Variants in CACUL1 observed in about 807,000 individuals in gnomAD.
The protein encoded by CACUL1 is CDK2 associated cullin domain 1.
In CACUL1, 13 loss-of-function variants were observed where a neutral mutation model predicts 45.2. That is an observed-to-expected ratio of 0.29 (90% CI 0.19 to 0.46). CACUL1 has a LOEUF of 0.46. CACUL1 is among the 20% of genes least tolerant of loss of function. The pLI, the probability that CACUL1 is intolerant of heterozygous loss-of-function variation, is 1.00. For synonymous variants in CACUL1, 197 were observed against 174.2 expected, an observed-to-expected ratio of 1.13 and a Z score of -1.03; for missense variants, 421 against 471.4, an observed-to-expected ratio of 0.89 and a Z score of 0.99.
chr10:118,702,862 G>A (rs558625195), intron 4 of CACUL1, among the ~76,000 whole-genome samples: 9 of 152,256 alleles, frequency 5.9e-5, no homozygotes, highest in African/African-American at 4.8e-5. Flanking sequence ...GATTACAGGC[G>A]TGAGCCACCA....
In CACUL1 at chr10:118,683,926, A is replaced by G. The variant is rs552948751; in HGVS notation, c.*2202T>C. 3 of 152,460 alleles carry G rather than the reference A, an allele frequency of 2.0e-5. No individual in the cohort carries two copies. The South Asian group carries it at 6.2e-4, about 32-fold the overall frequency. The allele number at this position is 152,460 out of a possible 1,614,324, so 9.4% of individuals were successfully genotyped here. ...GCCAGGACATGTAGACTGGGAGACTATGTACAACCTTTCTATAGTGACTTC... is the reference window on the plus strand; with the variant it reads ...GCCAGGACATGTAGACTGGGAGACTGTGTACAACCTTTCTATAGTGACTTC... On this transcript the variant is annotated 3_prime_UTR_variant, in exon 9 of 9. Coordinates refer to ENST00000369151, the MANE Select transcript of CACUL1 (RefSeq NM_153810.5).
In CACUL1 at chr10:118,682,835, C is replaced by T. The variant is rs1845166782; in HGVS notation, c.*3293G>A. 6.6e-6 allele frequency: 1 copy of T among 152,596 alleles called. No individual in the cohort carries two copies. 9.5% of individuals were successfully genotyped at this position (152,596 alleles called of 1,614,324 possible). ...ATTCTTCTGCAATCTCATCTACCCACAAATTAGCTTTCACTCTAGACCCCA... is the reference window on the plus strand; with the variant it reads ...ATTCTTCTGCAATCTCATCTACCCATAAATTAGCTTTCACTCTAGACCCCA... On this transcript the variant is annotated 3_prime_UTR_variant, in exon 9 of 9. Transcript: ENST00000369151.
chr10:118,736,637 C>G (rs909553570), intron 1 of CACUL1, among the ~76,000 whole-genome samples: 1 of 152,150 alleles, frequency 6.6e-6, no homozygotes, highest in Non-Finnish European at 1.5e-5. Flanking sequence ...GCCACAGCAT[C>G]TGGCCAGAAG....
At position 118,699,129 on chromosome 10, in the gene CACUL1, G is replaced by A. The variant is rs563892917; in HGVS notation, c.796+2177C>T. The stretch of plus-strand genomic sequence containing the variant: ...TACCACATACAAGCAGTGCATGTGT[G>A]TTTAAAAACCTTTTGATGATCACCC... On this transcript the variant is annotated intron_variant, in intron 5 of 8. Transcript: ENST00000369151. Among the ~76,000 whole-genome samples the A allele has an allele frequency of 5.9e-5, 9 of 152,280 alleles. No homozygotes were observed. The Middle Eastern group carries it at 0.01, about 173-fold the overall frequency.
At chr10:118,701,203 G>T (rs2274314) in intron 5 of CACUL1, 103 bp downstream of exon 5, 358,528 of 579,846 alleles carry the variant, frequency 0.62, 114,240 homozygotes, top group Non-Finnish European at 0.68. Flanking sequence ...TTCAGAAGAT[G>T]TTAACATTGG....
At chr10:118,735,797 G>A (rs1036353452) in intron 1 of CACUL1, among the ~76,000 whole-genome samples, 3 of 151,932 alleles carry the variant, frequency 2.0e-5, no homozygotes, top group African/African-American at 7.3e-5. Context: ...ATTTAGAATA[G>A]ACTCTTTAAG....
chr10:118,707,621 G>A, intron 3 of CACUL1, 34 bp from the exon 4 acceptor site: 2 of 973,338 alleles, frequency 2.1e-6, no homozygotes, highest in Non-Finnish European at 3.2e-6. Context: ...ATCAATCTGG[G>A]AAACCAGGGA....
At chr10:118,698,750 CA>C (rs1845348362) in intron 5 of CACUL1, among the ~76,000 whole-genome samples, 2 of 152,186 alleles carry the variant, frequency 1.3e-5, no homozygotes, top group Admixed American at 1.3e-4. Context: ...CAAGCCCTCC[CA>C]AACTGCAGAG....
intron 6 of CACUL1, among the ~76,000 whole-genome samples, chr10:118,692,133 C>A (rs566165219): frequency 1.3e-5 from 2 of 151,768 alleles, no homozygotes; most frequent in South Asian, 4.2e-4. Flanking sequence ...AATAAGTAGA[C>A]ATATTTAAAA....
At chr10:118,715,965 G>A (rs566339111) in intron 3 of CACUL1, among the ~76,000 whole-genome samples, 8 of 152,086 alleles carry the variant, frequency 5.3e-5, no homozygotes, top group Non-Finnish European at 8.8e-5. Context: ...GGCTGGGCGC[G>A]GTGGCTCACA....
chr10:118,699,026 T>C (rs1845351296), intron 5 of CACUL1, among the ~76,000 whole-genome samples: 1 of 152,220 alleles, frequency 6.6e-6, no homozygotes, highest in South Asian at 2.1e-4. Flanking sequence ...TCTCCGTTTC[T>C]CCATCTATAA....
chr10:118,689,534 T>C (rs1341862857), intron 7 of CACUL1, among the ~76,000 whole-genome samples: 2 of 152,222 alleles, frequency 1.3e-5, no homozygotes, highest in Non-Finnish European at 2.9e-5. Context: ...AAAATTCCTA[T>C]TTATACCAAA....
At chr10:118,738,385 A>G (rs1199008379) in intron 1 of CACUL1, among the ~76,000 whole-genome samples, 1 of 152,234 alleles carries the variant, frequency 6.6e-6, no homozygotes, top group Non-Finnish European at 1.5e-5. Context: ...AGCAGAAGTC[A>G]GCGTAAGAAA....
chr10:118,727,245 T>G (rs921712914), intron 3 of CACUL1, among the ~76,000 whole-genome samples: 1 of 151,600 alleles, frequency 6.6e-6, no homozygotes. Context: ...CATAAAAAAT[T>G]TGCCAGGCAT....
At chr10:118,686,960 T>C (rs1845213419) in intron 7 of CACUL1, among the ~76,000 whole-genome samples, 1 of 152,206 alleles carries the variant, frequency 6.6e-6, no homozygotes, top group Non-Finnish European at 1.5e-5. Flanking sequence ...CTCCAGCTTC[T>C]CAGACAATAA....
At position 118,688,857 on chromosome 10, in the gene CACUL1, A is replaced by G. The variant is rs572391574; in HGVS notation, c.1026-2216T>C. On this transcript the variant is annotated intron_variant, in intron 7 of 8. Transcript: ENST00000369151. Reference sequence around the variant, plus strand: ...TACAATTCACAAAAATTCCAGCTCAAATGAGAATCCACTAACTGCAAAAAA... The same window carrying G: ...TACAATTCACAAAAATTCCAGCTCAGATGAGAATCCACTAACTGCAAAAAA... Among the ~76,000 whole-genome samples the G allele has an allele frequency of 6.6e-5, 10 of 152,328 alleles. No individual in the cohort carries two copies. The South Asian group carries it at 1.2e-3, about 19-fold the overall frequency.
chr10:118,687,104 A>G (rs1845214811), intron 7 of CACUL1, among the ~76,000 whole-genome samples: 1 of 152,158 alleles, frequency 6.6e-6, no homozygotes, highest in African/African-American at 2.4e-5. Context: ...CACAGCACAC[A>G]TTCCTGACCT....
intron 4 of CACUL1, among the ~76,000 whole-genome samples, chr10:118,701,629 G>A (rs569832419): frequency 6.6e-6 from 1 of 152,298 alleles, no homozygotes. Context: ...ATCTTCAAAA[G>A]AACACTGGGA....
intron 4 of CACUL1, among the ~76,000 whole-genome samples, chr10:118,703,830 TC>T (rs1333966704): frequency 6.6e-6 from 1 of 151,532 alleles, no homozygotes; most frequent in African/African-American, 2.4e-5. Context: ...ATGTTTATAA[TC>T]TTTTTTTTCT....
Sources: gnomAD v4.1 joint callset for allele counts (sites outside exome capture counted in the v4.1 genomes callset) on GRCh38, gnomAD v4.1.1 for gene constraint, MANE v1.5 for transcripts, NCBI Gene and HGNC (gene_info 2026-07-23, HGNC 2026-07-21) for gene names.